Variants in UGT8 observed in about 807,000 individuals in gnomAD.
UGT8 encodes the protein UDP glycosyltransferase 8.
A neutral mutation model predicts 40.5 loss-of-function variants in UGT8; 12 were observed. That is an observed-to-expected ratio of 0.30 (90% CI 0.19 to 0.48). The LOEUF is 0.48. Ranked by LOEUF, UGT8 falls within the 20% of genes least tolerant of loss-of-function variation. UGT8 has a pLI of 0.99. For synonymous variants in UGT8, 224 were observed against 240.4 expected (o/e 0.93, Z 0.63); for missense variants, 513 against 648.7 (o/e 0.79, Z 2.27).
intron 1 of UGT8, among the ~76,000 whole-genome samples, chr4:114,615,466 C>T (rs564078226): frequency 1.3e-5 from 2 of 152,246 alleles, no homozygotes; most frequent in East Asian, 3.9e-4. Flanking sequence ...CCCCTCCCCA[C>T]CCAGTTCTAG....
chr4:114,626,200 T>G (rs1732209254), intron 2 of UGT8, among the ~76,000 whole-genome samples: 1 of 152,204 alleles, frequency 6.6e-6, no homozygotes, highest in Non-Finnish European at 1.5e-5. Context: ...TATGAACACA[T>G]GTTCCCACTG....
At chr4:114,603,047 A>C (rs1419790667) in intron 1 of UGT8, among the ~76,000 whole-genome samples, 1 of 152,078 alleles carries the variant, frequency 6.6e-6, no homozygotes, top group Non-Finnish European at 1.5e-5. Flanking sequence ...TGGCAGTGGG[A>C]TGAAAAAAAG....
chr4:114,599,091 C>CGGGG (rs933658933), intron 1 of UGT8, 117 bp downstream of exon 1: 1 of 3,002 alleles, frequency 3.3e-4, no homozygotes, highest in African/African-American at 1.7e-3. Flanking sequence ...TGTCCAGGGG[C>CGGGG]GGGGGGGTGG....
chr4:114,624,947 T>A (rs936682809), intron 2 of UGT8, among the ~76,000 whole-genome samples: 2 of 152,200 alleles, frequency 1.3e-5, no homozygotes, highest in Non-Finnish European at 2.9e-5. Flanking sequence ...CTTGAATTTA[T>A]CCAAGCTCAT....
At chr4:114,636,730 G>T (rs186867571) in intron 2 of UGT8, among the ~76,000 whole-genome samples, 1 of 150,998 alleles carries the variant, frequency 6.6e-6, no homozygotes, top group East Asian at 1.9e-4. Context: ...CAAACTTCCC[G>T]CTGCCTTCTC....
intron 5 of UGT8, among the ~76,000 whole-genome samples, chr4:114,674,929 G>A (rs1443245408): frequency 6.6e-6 from 1 of 152,186 alleles, no homozygotes; most frequent in Non-Finnish European, 1.5e-5. Flanking sequence ...GCAGTCACAT[G>A]TTTTTAGATT....
chr4:114,606,945 G>C (rs991994095), intron 1 of UGT8, among the ~76,000 whole-genome samples: 1 of 152,272 alleles, frequency 6.6e-6, no homozygotes, highest in South Asian at 2.1e-4. Flanking sequence ...AATAGGGAGC[G>C]TCTTGCCAGG....
rs189506651 is a variant in UGT8, at chr4:114,656,840, C to T, written c.823-7155C>T. The T allele has an allele frequency of 2.4e-4, 124 of 513,108 alleles. No homozygotes were observed. The East Asian group carries it at 6.0e-3, about 25-fold the overall frequency. 31.8% of individuals were successfully genotyped at this position (513,108 alleles called of 1,614,324 possible). On this transcript the variant is annotated intron_variant, in intron 2 of 5. Coordinates refer to ENST00000310836, the MANE Select transcript of UGT8 (RefSeq NM_001128174.3). ...CAATACTTTATCTGCTCTTCATTTC[C>T]CCATATCTACTTACTGTAGGTACGG... is the stretch of plus-strand genomic sequence containing the variant.
At chr4:114,664,226 G>T in intron 3 of UGT8, 89 bp downstream of exon 3, 1 of 1,422,292 alleles carries the variant, frequency 7.0e-7, no homozygotes, top group Non-Finnish European at 9.6e-7. Context: ...ACAGCACATT[G>T]TTTCCCTGAC....
At chr4:114,659,711 TAAG>T (rs987001214) in intron 2 of UGT8, among the ~76,000 whole-genome samples, 2 of 152,136 alleles carry the variant, frequency 1.3e-5, no homozygotes, top group African/African-American at 4.8e-5. Context: ...ATAACTTACT[TAAG>T]AAGTAGTAGT....
intron 1 of UGT8, among the ~76,000 whole-genome samples, chr4:114,618,061 C>T (rs1402339803): frequency 1.3e-5 from 2 of 151,664 alleles, no homozygotes; most frequent in African/African-American, 4.9e-5. Context: ...ATATCATATA[C>T]ATAATTTTAT....
chr4:114,659,290 A>C (rs139235791), intron 2 of UGT8, among the ~76,000 whole-genome samples: 2,053 of 152,306 alleles, frequency 0.013, 27 homozygotes, highest in Middle Eastern at 0.02. Context: ...TAAAATGATT[A>C]TTTTTATTGT....
chr4:114,641,781 T>C (rs1401620030), intron 2 of UGT8, among the ~76,000 whole-genome samples: 2 of 152,170 alleles, frequency 1.3e-5, no homozygotes, highest in African/African-American at 4.8e-5. Context: ...AGAAACAAAC[T>C]TGAATAAATT....
At chr4:114,627,236 G>A (rs564788909) in intron 2 of UGT8, among the ~76,000 whole-genome samples, 1 of 151,262 alleles carries the variant, frequency 6.6e-6, no homozygotes, top group South Asian at 2.1e-4. Flanking sequence ...CTGTAGACAG[G>A]TCCCTATTTG....
intron 4 of UGT8, among the ~76,000 whole-genome samples, chr4:114,667,279 A>G (rs1480820116): frequency 2.0e-5 from 3 of 152,070 alleles, no homozygotes; most frequent in Non-Finnish European, 4.4e-5. Context: ...AGCTAGCTAT[A>G]ATTTCTTTCT....
chr4:114,623,771 T>C (rs887994185), intron 2 of UGT8, 69 bp downstream of exon 2: 2 of 1,479,058 alleles, frequency 1.4e-6, no homozygotes, highest in East Asian at 2.4e-5. Context: ...TTGGAAGAGA[T>C]ATGATTTGTT....
intron 5 of UGT8, among the ~76,000 whole-genome samples, chr4:114,669,099 C>T (rs750550738): frequency 2.0e-5 from 3 of 152,068 alleles, no homozygotes; most frequent in Non-Finnish European, 4.4e-5. Flanking sequence ...GAAACACTGC[C>T]ACATTCTAAG....
At chr4:114,613,408 TAAAC>T (rs1016585060) in intron 1 of UGT8, among the ~76,000 whole-genome samples, 6 of 152,174 alleles carry the variant, frequency 3.9e-5, no homozygotes, top group African/African-American at 1.4e-4. Context: ...AGTTGACTAT[TAAAC>T]AACATGAAAA....
At chr4:114,661,318 G>C (rs557865388) in intron 2 of UGT8, among the ~76,000 whole-genome samples, 1 of 151,996 alleles carries the variant, frequency 6.6e-6, no homozygotes, top group Admixed American at 6.6e-5. Context: ...TTACCATGGA[G>C]TTTGTTTTCT....
Sources: gnomAD v4.1 joint callset for allele counts (sites outside exome capture counted in the v4.1 genomes callset) on GRCh38, gnomAD v4.1.1 for gene constraint, MANE v1.5 for transcripts, NCBI Gene and HGNC (gene_info 2026-07-23, HGNC 2026-07-21) for gene names.